Variants in WHR1 observed in about 807,000 individuals in gnomAD.
The protein encoded by WHR1 is winged helix repair factor 1.
the WHR1 span, chr6:31,971,873 T>A: frequency 6.9e-7 from 1 of 1,450,616 alleles, no homozygotes; most frequent in Non-Finnish European, 9.2e-7. This position sits in a 1 kb window ranked among gnomAD's most constrained non-coding sequence, Gnocchi z 4.5. Flanking sequence ...CTCCAGGTCC[T>A]CCAAATGCAG....
chr6:31,972,940 T>C, the WHR1 span: 9 of 1,039,538 alleles, frequency 8.7e-6, no homozygotes, highest in Non-Finnish European at 1.3e-5. The surrounding 1 kb of genome is among the most constrained non-coding windows in gnomAD (Gnocchi z 6.3). Context: ...GCATTTCAAA[T>C]CATGGAGGTA....
chr6:31,976,598 GA>G, the WHR1 span, among the ~76,000 whole-genome samples: 1 of 151,182 alleles, frequency 6.6e-6, no homozygotes, highest in Non-Finnish European at 1.5e-5. Flanking sequence ...CATCCCAGAC[GA>G]TGGGCGGCCA....
At chr6:31,979,127 G>A in the WHR1 span, 4 of 896,214 alleles carry the variant, frequency 4.5e-6, no homozygotes, top group South Asian at 6.3e-5. Flanking sequence ...AGAGGGCACA[G>A]GGCCCTGGTA....
chr6:31,971,496 G>C, the WHR1 span: 1 of 1,614,152 alleles, frequency 6.2e-7, no homozygotes, highest in East Asian at 2.2e-5. The surrounding 1 kb of genome is among the most constrained non-coding windows in gnomAD (Gnocchi z 4.5). Flanking sequence ...CATCTCCATG[G>C]TACTGGCGTT....
At chr6:31,972,604 C>T in the WHR1 span, 1 of 1,600,466 alleles carries the variant, frequency 6.2e-7, no homozygotes. The surrounding 1 kb of genome is among the most constrained non-coding windows in gnomAD (Gnocchi z 6.3). Context: ...TGTCCGTGAG[C>T]CGATTTATCT....
At chr6:31,976,333 G>T in the WHR1 span, among the ~76,000 whole-genome samples, 2 of 151,764 alleles carry the variant, frequency 1.3e-5, no homozygotes, top group African/African-American at 2.4e-5. Context: ...CAGACGGGGC[G>T]GCTGCCGGGC....
the WHR1 span, chr6:31,972,344 A>C: frequency 9.9e-6 from 16 of 1,612,968 alleles, no homozygotes; most frequent in Admixed American, 1.3e-4. The surrounding 1 kb of genome is among the most constrained non-coding windows in gnomAD (Gnocchi z 6.3). Flanking sequence ...TCTGCGCCGG[A>C]AGACCCTATT....
chr6:31,972,465 G>T, the WHR1 span: 1 of 1,613,052 alleles, frequency 6.2e-7, no homozygotes, highest in East Asian at 2.2e-5. The surrounding 1 kb of genome is among the most constrained non-coding windows in gnomAD (Gnocchi z 6.3). Context: ...TTAAGAGGCG[G>T]CGGAAGCGAG....
the WHR1 span, chr6:31,978,918 C>G: frequency 2.0e-4 from 319 of 1,612,666 alleles, 6 homozygotes; most frequent in East Asian, 7.0e-3. Context: ...GCTTCAAGAG[C>G]AGGGGGAGAT....
At chr6:31,973,317 T>C in the WHR1 span, 1 of 252,200 alleles carries the variant, frequency 4.0e-6, no homozygotes, top group Non-Finnish European at 8.0e-6. Flanking sequence ...GGACTACAGA[T>C]AATGTGTTTA....
the WHR1 span, among the ~76,000 whole-genome samples, chr6:31,974,902 C>T: frequency 6.6e-6 from 1 of 152,144 alleles, no homozygotes; most frequent in African/African-American, 2.4e-5. Flanking sequence ...AGCTAGTCTC[C>T]CTGACTAGGT....
chr6:31,971,797 G>T, the WHR1 span: 1 of 1,336,812 alleles, frequency 7.5e-7, no homozygotes, highest in Admixed American at 2.7e-5. The surrounding 1 kb of genome is among the most constrained non-coding windows in gnomAD (Gnocchi z 4.5). Context: ...AAACATTCAG[G>T]CCCCTCAGAC....
chr6:31,978,083 C>T, the WHR1 span, among the ~76,000 whole-genome samples: 6 of 152,222 alleles, frequency 3.9e-5, no homozygotes, highest in East Asian at 3.8e-4. Context: ...CCATCTCGCC[C>T]GGCCTACTTA....
At chr6:31,972,721 C>T in the WHR1 span, 1 of 1,613,590 alleles carries the variant, frequency 6.2e-7, no homozygotes, top group Non-Finnish European at 8.5e-7. This position sits in a 1 kb window ranked among gnomAD's most constrained non-coding sequence, Gnocchi z 6.3. Context: ...AGGTGTACAG[C>T]CTTGTGCCTG....
chr6:31,980,789 A>C, the WHR1 span: 1 of 1,570,390 alleles, frequency 6.4e-7, no homozygotes, highest in East Asian at 2.2e-5. Flanking sequence ...ATTGGGGCCC[A>C]GCTAGTGGAC....
the WHR1 span, chr6:31,978,855 C>T: frequency 6.3e-7 from 1 of 1,575,738 alleles, no homozygotes; most frequent in Non-Finnish European, 8.7e-7. Flanking sequence ...TATAGCAGAG[C>T]ATCTTACCCT....
the WHR1 span, among the ~76,000 whole-genome samples, chr6:31,976,486 A>G: frequency 7.3e-6 from 1 of 137,216 alleles, no homozygotes; most frequent in Non-Finnish European, 1.5e-5. Context: ...TCAGACGATG[A>G]GCGGCCGGGC....
the WHR1 span, among the ~76,000 whole-genome samples, chr6:31,974,279 C>CAAAAAAAAAAA: frequency 8.4e-6 from 1 of 118,592 alleles, no homozygotes. Flanking sequence ...GACTTTGTCT[C>CAAAAAAAAAAA]AAAAAAAAAA....
chr6:31,977,313 A>G, the WHR1 span, among the ~76,000 whole-genome samples: 2 of 149,242 alleles, frequency 1.3e-5, no homozygotes, highest in South Asian at 4.3e-4. Flanking sequence ...CTGGCATTAC[A>G]GGCACCTGAC....
Sources: allele counts gnomAD v4.1 joint callset (sites outside exome capture counted in the v4.1 genomes callset), GRCh38; gene constraint gnomAD v4.1.1; non-coding constraint Gnocchi (gnomAD v3.1); transcripts MANE v1.5; gene names NCBI Gene and HGNC (gene_info 2026-07-23, HGNC 2026-07-21).